CEP57L1: variants seen among roughly 807,000 people sequenced by gnomAD.
The protein encoded by CEP57L1 is centrosomal protein 57 like 1.
In CEP57L1, 37 loss-of-function variants were observed where a neutral mutation model predicts 61.0. The observed-to-expected ratio is 0.61, with a 90% confidence interval of 0.47 to 0.80. The LOEUF (loss-of-function observed/expected upper bound fraction) is 0.80, where lower values mean the gene tolerates loss of function less well. CEP57L1 is among the 30% of genes least tolerant of loss of function. CEP57L1 has a pLI of 0.00. For synonymous variants in CEP57L1, 137 were observed against 162.3 expected (o/e 0.84, Z 1.19); for missense variants, 422 against 524.7 (o/e 0.80, Z 1.91).
At chr6:109,129,927 A>G (rs1773991893) in intron 1 of CEP57L1, among the ~76,000 whole-genome samples, 1 of 152,074 alleles carries the variant, frequency 6.6e-6, no homozygotes, top group Non-Finnish European at 1.5e-5. Flanking sequence ...ACTCTGCCAT[A>G]TTAACCTAAA....
chr6:109,152,255 A>C (rs925473917), intron 4 of CEP57L1, among the ~76,000 whole-genome samples: 1 of 152,136 alleles, frequency 6.6e-6, no homozygotes, highest in Admixed American at 6.5e-5. Flanking sequence ...ATCTTGGCTC[A>C]CTGCAACCTC....
chr6:109,142,156 A>T (rs1227253936), intron 1 of CEP57L1, among the ~76,000 whole-genome samples: 1 of 152,224 alleles, frequency 6.6e-6, no homozygotes. Context: ...AAAAACAGTG[A>T]GTAATTTCCC....
At chr6:109,129,182 A>G in intron 1 of CEP57L1, 1 of 226,428 alleles carries the variant, frequency 4.4e-6, no homozygotes, top group South Asian at 7.5e-5. Context: ...CCTGGGCGAC[A>G]GAGAGAGACT....
At chr6:109,146,028 G>T (rs2114867012) in intron 2 of CEP57L1, among the ~76,000 whole-genome samples, 1 of 151,912 alleles carries the variant, frequency 6.6e-6, no homozygotes, top group Non-Finnish European at 1.5e-5. Context: ...GCAAATCAAT[G>T]TGCCAGCTAC....
chr6:109,108,653 A>G (rs1771214860), intron 1 of CEP57L1, among the ~76,000 whole-genome samples: 1 of 152,232 alleles, frequency 6.6e-6, no homozygotes, highest in Non-Finnish European at 1.5e-5. Context: ...GACAAATTCT[A>G]TTTCTTGTTC....
intron 1 of CEP57L1, among the ~76,000 whole-genome samples, chr6:109,120,916 A>G (rs879917729): frequency 0.13 from 5,814 of 43,582 alleles, 376 homozygotes; most frequent in African/African-American, 0.3. Flanking sequence ...ACACACGCAC[A>G]CACACACACA....
intron 7 of CEP57L1, chr6:109,156,469 TAG>T (rs1393876303): frequency 6.6e-6 from 1 of 152,164 alleles, no homozygotes; most frequent in Non-Finnish European, 1.5e-5. Context: ...TAGTACTTTA[TAG>T]ACCAATATTT....
At chr6:109,148,810 T>C (rs1337697987) in intron 3 of CEP57L1, among the ~76,000 whole-genome samples, 1 of 152,228 alleles carries the variant, frequency 6.6e-6, no homozygotes, top group Non-Finnish European at 1.5e-5. Flanking sequence ...TGATTGCCAT[T>C]CTAACTGGTG....
At chr6:109,116,117 G>T (rs554037418) in intron 1 of CEP57L1, among the ~76,000 whole-genome samples, 12,670 of 136,306 alleles carry the variant, frequency 0.093, 723 homozygotes, top group Middle Eastern at 0.16. Context: ...TTTATTTTAT[G>T]TTATGTGTTG....
At chr6:109,152,902 A>C (rs1772794341) in intron 4 of CEP57L1, among the ~76,000 whole-genome samples, 1 of 152,106 alleles carries the variant, frequency 6.6e-6, no homozygotes, top group African/African-American at 2.4e-5. Flanking sequence ...TGAGGTCAGG[A>C]GTTCGAGACC....
rs527828040 is a variant in CEP57L1, at chr6:109,112,412, C to A, written c.-4+16837C>A. Among the ~76,000 whole-genome samples the A allele has an allele frequency of 2.1e-3, 320 of 152,144 alleles. 1 individual carries two copies. The highest frequency in any genetic ancestry group is 7.3e-3 in the African/African-American group (302 of 41,532). On this transcript the variant is annotated intron_variant, in intron 1 of 10. Coordinates refer to ENST00000517392, the MANE Select transcript of CEP57L1 (RefSeq NM_001271852.3). ...TATTGCGTCTATTTGATTCTTCTCT[C>A]TTTTCTCCTTTATTCGTGTATCTAT...
intron 7 of CEP57L1, chr6:109,157,481 G>T (rs992205406): frequency 6.6e-6 from 1 of 152,164 alleles, no homozygotes; most frequent in Non-Finnish European, 1.5e-5. Flanking sequence ...AAAGTGTTGT[G>T]GTGCTGTGTA....
intron 1 of CEP57L1, among the ~76,000 whole-genome samples, chr6:109,110,745 A>T (rs901458017): frequency 6.6e-6 from 1 of 152,034 alleles, no homozygotes; most frequent in African/African-American, 2.4e-5. Context: ...TCTGCATATG[A>T]CTAGCCAGTT....
rs1774183385 is a variant in CEP57L1 at position 109,167,499 on chromosome 6, T to A, written c.*4529T>A. On this transcript the variant is annotated 3_prime_UTR_variant, in exon 11 of 11. Coordinates refer to ENST00000517392, the MANE Select transcript of CEP57L1 (RefSeq NM_001271852.3). Reference sequence around the variant, plus strand: ...GAGTTCAACACCAGCCTGGCCAATGTAGTGAAACCCTGTCTCTACTAAAAA... The same window carrying A: ...GAGTTCAACACCAGCCTGGCCAATGAAGTGAAACCCTGTCTCTACTAAAAA... Among the ~76,000 whole-genome samples the A allele has an allele frequency of 6.6e-6, 1 of 152,026 alleles. No homozygotes were observed. Among genetic ancestry groups the A allele is most frequent in the African/African-American group, 2.4e-5 (1 of 41,376 alleles).
chr6:109,111,765 C>A (rs867453814), intron 1 of CEP57L1, among the ~76,000 whole-genome samples: 10 of 152,120 alleles, frequency 6.6e-5, no homozygotes, highest in South Asian at 4.1e-4. Context: ...GCCTTTCCTG[C>A]GTCTATTGAG....
At chr6:109,152,935 C>G (rs1187954769) in intron 4 of CEP57L1, among the ~76,000 whole-genome samples, 1 of 151,746 alleles carries the variant, frequency 6.6e-6, no homozygotes, top group African/African-American at 2.4e-5. Flanking sequence ...ACGGTGAAAC[C>G]ACGTCTCTAC....
rs202070350 is a variant in CEP57L1, at chr6:109,169,226, C to CA, written c.*6277dup. Among the ~76,000 whole-genome samples, 16,261 of 67,026 alleles carry CA rather than the reference C, an allele frequency of 0.24. 1,956 individuals are homozygous for CA. The highest frequency in any genetic ancestry group is 0.33 in the Non-Finnish European group (11,699 of 35,376). 44.0% of individuals were successfully genotyped at this position (67,026 alleles called of 152,430 possible). ...GAGCAGCAGAGTGAGGCTCCATCAG[C>CA]AAAAAAAAAAAAAAAAAAAAAGATC... On this transcript the variant is annotated 3_prime_UTR_variant, in exon 11 of 11. Transcript: ENST00000517392.
chr6:109,115,230 T>C (rs1772135355), intron 1 of CEP57L1, among the ~76,000 whole-genome samples: 1 of 151,970 alleles, frequency 6.6e-6, no homozygotes, highest in Non-Finnish European at 1.5e-5. Flanking sequence ...TATTTATTTA[T>C]GGGTATATAT....
chr6:109,100,794 A>C (rs1396066311), intron 1 of CEP57L1, among the ~76,000 whole-genome samples: 2 of 151,998 alleles, frequency 1.3e-5, no homozygotes, highest in Non-Finnish European at 2.9e-5. Flanking sequence ...TGTTTAATTC[A>C]GAGTTCTTAT....
Sources: allele counts gnomAD v4.1 joint callset (sites outside exome capture counted in the v4.1 genomes callset), GRCh38; gene constraint gnomAD v4.1.1; transcripts MANE v1.5; gene names NCBI Gene and HGNC (gene_info 2026-07-23, HGNC 2026-07-21).